The following RYR2 variants were observed in gnomAD, a reference collection of about 807,000 sequenced individuals.
The protein encoded by RYR2 is cardiac muscle ryanodine receptor-calcium release channel.
RYR2 carries 227 observed loss-of-function variants against 601.1 expected under a neutral mutation model. The ratio of observed to expected loss-of-function variants is 0.38; its 90% CI spans 0.34 to 0.42. The LOEUF (loss-of-function observed/expected upper bound fraction) is 0.42, where lower values mean the gene tolerates loss of function less well. RYR2 is among the 10% of genes least tolerant of loss of function. RYR2 has a pLI of 1.00. For synonymous variants in RYR2, 2,223 were observed against 2,175.1 expected (o/e 1.02, Z -0.61); for missense variants, 4,646 against 6,156.5 (o/e 0.75, Z 8.21).
At chr1:237,596,442 T>C (rs906190294) in intron 34 of RYR2, among the ~76,000 whole-genome samples, 3 of 151,832 alleles carry the variant, frequency 2.0e-5, no homozygotes, top group Non-Finnish European at 4.4e-5. Flanking sequence ...ACAGACTAGA[T>C]CAAGCATAAG....
intron 1 of RYR2, among the ~76,000 whole-genome samples, chr1:237,110,362 C>G (rs147907801): frequency 0.014 from 2,183 of 151,282 alleles, 36 homozygotes; most frequent in African/African-American, 0.046. Context: ...TGTGCTGCAC[C>G]CATTAACTCG....
chr1:237,466,462 T>C lies in RYR2; in HGVS notation c.1613-2630T>C, dbSNP rs567777686. Among the ~76,000 whole-genome samples, 7 of 152,292 alleles carry C rather than the reference T, an allele frequency of 4.6e-5. No homozygotes were observed. The South Asian group carries it at 1.4e-3, about 32-fold the overall frequency. ...GATTATAGGTATGAGCCACTACGCC[T>C]GGTGTAATGCCCTTTTCTTAATTTT... On this transcript the variant is annotated intron_variant, in intron 16 of 104. Transcript: ENST00000366574.
intron 27 of RYR2, among the ~76,000 whole-genome samples, chr1:237,555,711 T>A (rs953980910): frequency 6.6e-6 from 1 of 152,118 alleles, no homozygotes; most frequent in African/African-American, 2.4e-5. Context: ...AATGCCTAAG[T>A]CTGGTTGACT....
At chr1:237,535,128 T>C (rs928086379) in intron 25 of RYR2, among the ~76,000 whole-genome samples, 2 of 151,838 alleles carry the variant, frequency 1.3e-5, no homozygotes, top group Non-Finnish European at 2.9e-5. Flanking sequence ...TATTAAAACA[T>C]GAATTGCATA....
intron 63 of RYR2, among the ~76,000 whole-genome samples, chr1:237,692,048 A>G (rs1686988339): frequency 6.6e-6 from 1 of 152,198 alleles, no homozygotes; most frequent in Non-Finnish European, 1.5e-5. Flanking sequence ...GAATCTTTCA[A>G]TCATTTTTAG....
chr1:237,252,063 C>A (rs1307573039), intron 1 of RYR2, among the ~76,000 whole-genome samples: 1 of 151,978 alleles, frequency 6.6e-6, no homozygotes, highest in East Asian at 1.9e-4. Flanking sequence ...ACGGTAACAA[C>A]CTCTCATGCC....
chr1:237,253,338 A>T (rs115318405), intron 1 of RYR2, among the ~76,000 whole-genome samples: 267 of 152,316 alleles, frequency 1.8e-3, no homozygotes, highest in Non-Finnish European at 3.1e-3. Flanking sequence ...TGGAAAAAGG[A>T]CTTCAGAACC....
At chr1:237,639,275 T>C (rs1200263161) in intron 46 of RYR2, 74 bp downstream of exon 46, 2 of 1,324,276 alleles carry the variant, frequency 1.5e-6, no homozygotes, top group Non-Finnish European at 2.0e-6. Context: ...ATATTCTGCA[T>C]CCTATGAATT....
intron 2 of RYR2, among the ~76,000 whole-genome samples, chr1:237,294,244 A>G (rs1173844840): frequency 3.3e-5 from 5 of 152,116 alleles, no homozygotes; most frequent in Admixed American, 1.3e-4. Context: ...TCACAGTATC[A>G]CAAGAGTTAA....
At chr1:237,822,338 A>G (rs1010132611) in intron 101 of RYR2, among the ~76,000 whole-genome samples, 2 of 152,256 alleles carry the variant, frequency 1.3e-5, no homozygotes, top group Non-Finnish European at 2.9e-5. Flanking sequence ...CTCGCTGTAG[A>G]AACTCTACAA....
intron 11 of RYR2, among the ~76,000 whole-genome samples, chr1:237,420,648 A>G (rs894182927): frequency 2.6e-5 from 4 of 152,174 alleles, no homozygotes; most frequent in Non-Finnish European, 5.9e-5. Context: ...GGCCACATTC[A>G]TTCCATTTCT....
rs1664010177 is a variant in RYR2, at chr1:237,833,261, A to T, written c.*614A>T. On this transcript the variant is annotated 3_prime_UTR_variant, in exon 105 of 105. Transcript: ENST00000366574. ...TTTCTTTAGTGGGGGAGGGTAAGAA[A>T]AGCAGTTTGCACTTAAAAAGAAAAA... 7.1e-6 allele frequency: 1 copy of T among 141,212 alleles called. No homozygotes were observed. The allele number at this position is 141,212 out of a possible 1,614,324, so 8.7% of individuals were successfully genotyped here.
chr1:237,420,233 TGTAA>T (rs1267716378), intron 11 of RYR2, among the ~76,000 whole-genome samples: 2 of 152,188 alleles, frequency 1.3e-5, no homozygotes, highest in Non-Finnish European at 2.9e-5. Context: ...ATAGGGATAT[TGTAA>T]GTGAGATATG....
At chr1:237,609,394 A>G (rs1343054033) in intron 35 of RYR2, among the ~76,000 whole-genome samples, 2 of 114,404 alleles carry the variant, frequency 1.7e-5, no homozygotes, top group Middle Eastern at 6.9e-3. Context: ...TCTTTCTGAC[A>G]GAGTCTCACT....
At chr1:237,523,868 C>T (rs1179633964) in intron 24 of RYR2, among the ~76,000 whole-genome samples, 3 of 148,914 alleles carry the variant, frequency 2.0e-5, no homozygotes, top group Non-Finnish European at 3.0e-5. Flanking sequence ...GAAGATACTA[C>T]CTTACACACA....
intron 80 of RYR2, among the ~76,000 whole-genome samples, chr1:237,752,522 AT>A (rs2149250232): frequency 6.6e-6 from 1 of 152,204 alleles, no homozygotes; most frequent in East Asian, 1.9e-4. Context: ...TAGTCTTAGT[AT>A]TTTCCCATCA....
At chr1:237,680,336 C>A in intron 61 of RYR2, 120 bp from the exon 62 acceptor site, 1 of 674,464 alleles carries the variant, frequency 1.5e-6, no homozygotes, top group Non-Finnish European at 2.5e-6. Flanking sequence ...ACGTGCCTGG[C>A]ATGGACATAA....
Position 237,667,888 on chromosome 1 carries a change from G to T in RYR2, c.8520G>T (p.Met2840Ile). The change falls in exon 58 of 105, where the codon ATG becomes ATT. Residue 2840 changes from methionine (M) to isoleucine (I), a missense_variant. Physicochemically the swap from Met to Ile is conservative, Grantham distance 10. Transcript: ENST00000366574. ...AATATTTTTGTTCATTTAAGGCTATGGCAGAAATGATGGCTGAAAACTACC... is the reference window on the plus strand; with the variant it reads ...AATATTTTTGTTCATTTAAGGCTATTGCAGAAATGATGGCTGAAAACTACC... ...NVTLSRDLHA[M>I]AEMMAENYHN... 1 of 1,579,750 alleles carries T rather than the reference G, an allele frequency of 6.3e-7. No homozygotes were observed. Among genetic ancestry groups the T allele is most frequent in the South Asian group, 1.2e-5 (1 of 85,112 alleles).
rs116123803 is a variant in RYR2 at position 237,319,369 on chromosome 1, C to T, written c.169-11509C>T. ...TTACACTTTCCTGGGCTTTTACTGT[C>T]TGTGTCATAATTTTTTGTTAAAACT... On this transcript the variant is annotated intron_variant, in intron 2 of 104. Coordinates refer to ENST00000366574, the MANE Select transcript of RYR2 (RefSeq NM_001035.3). Among the ~76,000 whole-genome samples, 693 of 152,194 alleles carry T rather than the reference C, an allele frequency of 4.6e-3. 7 individuals carry two copies. The highest frequency in any genetic ancestry group is 0.016 in the African/African-American group (667 of 41,510).
Sources: allele counts gnomAD v4.1 joint callset (sites outside exome capture counted in the v4.1 genomes callset), GRCh38; gene constraint gnomAD v4.1.1; transcripts MANE v1.5; gene names NCBI Gene and HGNC (gene_info 2026-07-23, HGNC 2026-07-21).